The following PCDH15 variants were observed in gnomAD, a reference collection of about 807,000 sequenced individuals.
The protein encoded by PCDH15 is protocadherin-15.
Under a neutral mutation model 178.5 loss-of-function variants are expected in PCDH15, and 129 were observed. The ratio of observed to expected loss-of-function variants is 0.72; its 90% CI spans 0.63 to 0.84. The LOEUF (loss-of-function observed/expected upper bound fraction) is 0.84. Ranked by LOEUF, PCDH15 falls within the 40% of genes least tolerant of loss-of-function variation. PCDH15 has a pLI of 0.00. For synonymous variants in PCDH15, 800 were observed against 732.0 expected, an observed-to-expected ratio of 1.09 and a Z score of -1.50; for missense variants, 2,230 against 2,099.9, an observed-to-expected ratio of 1.06 and a Z score of -1.21.
At chr10:54,236,753 G>A in intron 9 of PCDH15, 70 bp downstream of exon 9, 1 of 1,211,502 alleles carries the variant, frequency 8.3e-7, no homozygotes, top group Non-Finnish European at 1.2e-6. Context: ...ATATTTCCTT[G>A]GAATTGAGAG....
chr10:55,267,187 C>G (rs949938196), intron 1 of PCDH15, among the ~76,000 whole-genome samples: 1 of 152,162 alleles, frequency 6.6e-6, no homozygotes, highest in Admixed American at 6.5e-5. Flanking sequence ...TACACATACA[C>G]ACACACATAT....
chr10:54,017,079 A>G (rs2092763694), intron 20 of PCDH15, among the ~76,000 whole-genome samples: 1 of 152,136 alleles, frequency 6.6e-6, no homozygotes, highest in African/African-American at 2.4e-5. Context: ...GCTGGAGTAC[A>G]GTGCTGTGAT....
At chr10:55,264,494 C>T (rs904887395) in intron 1 of PCDH15, among the ~76,000 whole-genome samples, 2 of 152,180 alleles carry the variant, frequency 1.3e-5, no homozygotes, top group African/African-American at 4.8e-5. Flanking sequence ...TTATGGCCAG[C>T]ACCTGCCAAG....
intron 15 of PCDH15, among the ~76,000 whole-genome samples, chr10:54,125,721 G>T (rs990142895): frequency 1.3e-5 from 2 of 152,254 alleles, no homozygotes; most frequent in South Asian, 2.1e-4. Flanking sequence ...ATTAAAAATG[G>T]AGAAGTTTTC....
At chr10:55,544,076 G>A (rs1482653431) in intron 2 of PCDH15, among the ~76,000 whole-genome samples, 1 of 143,194 alleles carries the variant, frequency 7.0e-6, no homozygotes, top group Non-Finnish European at 1.5e-5. Context: ...CACGGAACCA[G>A]GTAAGATGCA....
intron 2 of PCDH15, among the ~76,000 whole-genome samples, chr10:54,538,634 C>T (rs902028032): frequency 3.3e-5 from 5 of 152,072 alleles, no homozygotes; most frequent in African/African-American, 4.8e-5. Flanking sequence ...GGAGGAGGGG[C>T]TGGTGGGATA....
chr10:53,932,446 T>C (rs1351025498), intron 25 of PCDH15, among the ~76,000 whole-genome samples: 2 of 152,212 alleles, frequency 1.3e-5, no homozygotes, highest in African/African-American at 4.8e-5. Flanking sequence ...GCTCTTTTTC[T>C]GTCTACATTT....
intron 1 of PCDH15, among the ~76,000 whole-genome samples, chr10:55,179,134 A>T (rs1839572296): frequency 6.6e-6 from 1 of 152,106 alleles, no homozygotes; most frequent in Non-Finnish European, 1.5e-5. Context: ...TGATCATGTA[A>T]ATGGAGCCTC....
At chr10:55,045,919 T>C (rs893093236) in intron 2 of PCDH15, among the ~76,000 whole-genome samples, 2 of 152,072 alleles carry the variant, frequency 1.3e-5, no homozygotes, top group Non-Finnish European at 1.5e-5. Flanking sequence ...GGTAGAAATA[T>C]ACAGTATAGC....
intron 2 of PCDH15, among the ~76,000 whole-genome samples, chr10:55,054,844 C>T (rs117499776): frequency 1.3e-5 from 2 of 152,210 alleles, no homozygotes; most frequent in East Asian, 3.9e-4. Context: ...ATATCATTTG[C>T]CCAATATTTA....
intron 2 of PCDH15, among the ~76,000 whole-genome samples, chr10:55,379,107 G>GATATATATAT (rs58819126): frequency 1.3e-5 from 2 of 148,452 alleles, no homozygotes; most frequent in African/African-American, 2.5e-5. Context: ...CACATACATT[G>GATATATATAT]ATATATATAT....
chr10:54,560,494 G>A (rs2087966105), intron 2 of PCDH15, among the ~76,000 whole-genome samples: 1 of 151,682 alleles, frequency 6.6e-6, no homozygotes, highest in African/African-American at 2.4e-5. Context: ...TTTTTTTTAT[G>A]TACAACACTT....
At chr10:55,576,785 A>G (rs1589150182) in intron 2 of PCDH15, among the ~76,000 whole-genome samples, 2 of 152,308 alleles carry the variant, frequency 1.3e-5, no homozygotes, top group South Asian at 4.1e-4. Flanking sequence ...AGTGAAAGCA[A>G]TAATATTTAC....
chr10:54,357,514 G>C (rs112094247), intron 5 of PCDH15, among the ~76,000 whole-genome samples: 1 of 151,830 alleles, frequency 6.6e-6, no homozygotes, highest in Admixed American at 6.6e-5. Flanking sequence ...AAATAAAAGA[G>C]GATACAAACA....
intron 10 of PCDH15, among the ~76,000 whole-genome samples, chr10:54,210,679 G>C (rs1047455373): frequency 1.3e-5 from 2 of 151,978 alleles, no homozygotes; most frequent in Admixed American, 6.6e-5. Context: ...GTCAGAAAGA[G>C]CATGGTCAGT....
At chr10:54,580,596 A>G (rs557586689) in intron 2 of PCDH15, among the ~76,000 whole-genome samples, 4 of 152,224 alleles carry the variant, frequency 2.6e-5, no homozygotes, top group African/African-American at 9.6e-5. Context: ...AACTCATTCT[A>G]TGAAGCCAGC....
intron 25 of PCDH15, among the ~76,000 whole-genome samples, chr10:53,915,669 C>T (rs982754464): frequency 2.6e-5 from 4 of 152,130 alleles, no homozygotes; most frequent in African/African-American, 9.7e-5. Flanking sequence ...AAGCAATTCT[C>T]CTGCCTCAGC....
At chr10:54,252,873 T>A (rs966011400) in intron 8 of PCDH15, among the ~76,000 whole-genome samples, 1 of 152,056 alleles carries the variant, frequency 6.6e-6, no homozygotes, top group Non-Finnish European at 1.5e-5. Flanking sequence ...ATTCTATTTA[T>A]GTATAAATTT....
intron 26 of PCDH15, among the ~76,000 whole-genome samples, chr10:53,889,043 T>C (rs2133451415): frequency 6.6e-6 from 1 of 151,504 alleles, no homozygotes; most frequent in East Asian, 2.0e-4. Flanking sequence ...AAAAAAATCT[T>C]GACCTCCTAC....
Sources: allele counts gnomAD v4.1 joint callset (sites outside exome capture counted in the v4.1 genomes callset), GRCh38; gene constraint gnomAD v4.1.1; transcripts MANE v1.5; gene names NCBI Gene and HGNC (gene_info 2026-07-23, HGNC 2026-07-21).